DNAH11: variants seen among roughly 807,000 people sequenced by gnomAD.
DNAH11 encodes the protein dynein axonemal heavy chain 11, also known as axonemal beta dynein heavy chain 11.
Under a neutral mutation model 526.0 loss-of-function variants are expected in DNAH11, and 442 were observed. The ratio of observed to expected loss-of-function variants is 0.84; its 90% CI spans 0.78 to 0.91. The LOEUF (loss-of-function observed/expected upper bound fraction) is 0.91, where lower values mean the gene tolerates loss of function less well. Ranked by LOEUF, DNAH11 falls within the 40% of genes least tolerant of loss-of-function variation. The probability of loss-of-function intolerance (pLI) is 0.00; values close to 1 mark genes in which losing one functional copy is unlikely to be tolerated. For synonymous variants in DNAH11, 2,461 were observed against 1,935.9 expected (o/e 1.27, Z -7.12); for missense variants, 6,989 against 5,448.7 (o/e 1.28, Z -8.90).
At chr7:21,860,149 G>T (rs957988984) in intron 68 of DNAH11, among the ~76,000 whole-genome samples, 2 of 152,050 alleles carry the variant, frequency 1.3e-5, no homozygotes, top group Non-Finnish European at 2.9e-5. Context: ...CTCCAGGCTG[G>T]ATGACAGAAT....
At chr7:21,872,135 A>AC (rs1783522377) in intron 73 of DNAH11, among the ~76,000 whole-genome samples, 3 of 137,242 alleles carry the variant, frequency 2.2e-5, no homozygotes, top group African/African-American at 8.6e-5. Context: ...AAAAAAAAAA[A>AC]AAAAAAAAAA....
At chr7:21,616,379 G>C in intron 22 of DNAH11, 87 bp downstream of exon 22, 1 of 1,042,342 alleles carries the variant, frequency 9.6e-7, no homozygotes, top group South Asian at 1.7e-5. Flanking sequence ...CTGGTGTATT[G>C]GGCTGCATGT....
intron 45 of DNAH11, among the ~76,000 whole-genome samples, chr7:21,733,527 G>A (rs746266557): frequency 7.9e-5 from 12 of 151,934 alleles, no homozygotes; most frequent in Non-Finnish European, 1.8e-4. Context: ...GCTGGTTGAA[G>A]GCTGAGAACC....
At chr7:21,677,203 C>CT (rs34054122) in intron 30 of DNAH11, among the ~76,000 whole-genome samples, 3,410 of 124,084 alleles carry the variant, frequency 0.027, 51 homozygotes, top group East Asian at 0.057. Flanking sequence ...CAGATACTGC[C>CT]TTTTTTTTTT....
chr7:21,573,375 C>T (rs1168963431), intron 8 of DNAH11, among the ~76,000 whole-genome samples: 2 of 152,138 alleles, frequency 1.3e-5, no homozygotes, highest in South Asian at 2.1e-4. Flanking sequence ...CCTGAAGTTC[C>T]CTTCATCCTC....
At chr7:21,731,664 G>C (rs1220466354) in intron 45 of DNAH11, among the ~76,000 whole-genome samples, 4 of 152,126 alleles carry the variant, frequency 2.6e-5, no homozygotes, top group African/African-American at 9.7e-5. Context: ...GTTTTGGTTT[G>C]GTCAACATTG....
intron 10 of DNAH11, 87 bp from the exon 11 acceptor site, chr7:21,588,425 A>G (rs1784549456): frequency 2.0e-6 from 3 of 1,527,796 alleles, no homozygotes; most frequent in Non-Finnish European, 8.9e-7. Flanking sequence ...CTGTAAAAAT[A>G]CCAAAATGAA....
intron 70 of DNAH11, 88 bp from the exon 71 acceptor site, chr7:21,866,382 C>T: frequency 8.3e-7 from 1 of 1,200,546 alleles, no homozygotes; most frequent in Admixed American, 2.5e-5. Flanking sequence ...AGTTTTTTTA[C>T]ATAAGATTAG....
intron 44 of DNAH11, among the ~76,000 whole-genome samples, chr7:21,721,931 C>CT (rs1255410994): frequency 6.6e-5 from 10 of 152,062 alleles, no homozygotes; most frequent in South Asian, 4.2e-4. Flanking sequence ...TTTCACTGAT[C>CT]TTTTTTTTAG....
At chr7:21,744,330 T>C in intron 49 of DNAH11, 108 bp from the exon 50 acceptor site, 3 of 1,201,772 alleles carry the variant, frequency 2.5e-6, no homozygotes, top group Non-Finnish European at 3.6e-6. Flanking sequence ...TGATGATATT[T>C]CTTTTAACCA....
At chr7:21,861,765 A>C in intron 68 of DNAH11, 88 bp from the exon 69 acceptor site, 1 of 1,522,582 alleles carries the variant, frequency 6.6e-7, no homozygotes, top group Non-Finnish European at 8.9e-7. Context: ...CCTATAGATA[A>C]ACCTTAAACT....
intron 75 of DNAH11, among the ~76,000 whole-genome samples, chr7:21,881,762 T>G (rs1008419850): frequency 1.1e-4 from 16 of 152,212 alleles, no homozygotes; most frequent in African/African-American, 1.4e-4. Flanking sequence ...ATAACTTTTT[T>G]GGTCAGCTTT....
Position 21,884,514 on chromosome 7 carries a change from G to C in DNAH11, c.12507+104G>C, listed in dbSNP as rs76549028. Reference sequence around the variant, plus strand: ...ACTATGGGCAATTCTTAATGTTATTGAGGATGCTTGGCCTTTTGGGAAATT... The same window carrying C: ...ACTATGGGCAATTCTTAATGTTATTCAGGATGCTTGGCCTTTTGGGAAATT... On this transcript the variant is annotated intron_variant, in intron 76 of 81. Transcript: ENST00000409508. The C allele has an allele frequency of 5.7e-3, 7,016 of 1,231,888 alleles. 320 individuals are homozygous for C. The African/African-American group carries it at 0.094, about 17-fold the overall frequency. 76.3% of individuals were successfully genotyped at this position (1,231,888 alleles called of 1,614,324 possible). A position where few individuals can be genotyped will look rare whatever the true frequency, so the allele number is the denominator to read the frequency against.
At position 21,588,187 on chromosome 7, in the gene DNAH11, G is replaced by T; in HGVS notation, c.1834G>T (p.Glu612Ter). Residue 612 changes from glutamate to a stop codon, truncating the protein, a stop_gained, in exon 10 of 82, where the codon GAA becomes TAA. Transcript: ENST00000409508. LOFTEE classifies it high-confidence loss of function. Reference protein sequence around the residue: ...ELDVCKQLYNEHMKQIECGHV... With the variant: ...ELDVCKQLYN Reference sequence around the variant, plus strand: ...GGATGTGTGTAAGCAACTGTATAATGAACACATGAAACAGGTAAGTGGTGG... The same window carrying T: ...GGATGTGTGTAAGCAACTGTATAATTAACACATGAAACAGGTAAGTGGTGG... 6.2e-7 allele frequency: 1 copy of T among 1,612,008 alleles called. No individual in the cohort carries two copies. Among genetic ancestry groups the T allele is most frequent in the South Asian group, 1.1e-5 (1 of 90,574 alleles).
At chr7:21,610,676 G>A (rs187185120) in intron 20 of DNAH11, among the ~76,000 whole-genome samples, 3 of 152,032 alleles carry the variant, frequency 2.0e-5, no homozygotes, top group Admixed American at 2.0e-4. Context: ...TTGAAAAAGG[G>A]CCAGATACTT....
intron 9 of DNAH11, among the ~76,000 whole-genome samples, chr7:21,585,447 G>A (rs1784450590): frequency 6.6e-6 from 1 of 152,142 alleles, no homozygotes; most frequent in South Asian, 2.1e-4. Context: ...TTTATAGATG[G>A]TTCTCTGAAG....
intron 27 of DNAH11, among the ~76,000 whole-genome samples, chr7:21,638,346 C>T (rs1786963168): frequency 6.6e-6 from 1 of 151,886 alleles, no homozygotes; most frequent in Non-Finnish European, 1.5e-5. Flanking sequence ...TTTTTGGTAA[C>T]GAAAAGGGCG....
At chr7:21,880,493 G>C (rs1184830115) in intron 74 of DNAH11, among the ~76,000 whole-genome samples, 1 of 152,224 alleles carries the variant, frequency 6.6e-6, no homozygotes, top group Non-Finnish European at 1.5e-5. Flanking sequence ...CATGACTGAA[G>C]CAAAATAAAA....
intron 24 of DNAH11, 35 bp from the exon 25 acceptor site, chr7:21,619,921 A>AT: frequency 2.0e-6 from 3 of 1,531,606 alleles, no homozygotes. Flanking sequence ...TATCAATTAA[A>AT]TTTTGTGCAC....
Sources: allele counts gnomAD v4.1 joint callset (sites outside exome capture counted in the v4.1 genomes callset), GRCh38; gene constraint gnomAD v4.1.1; transcripts MANE v1.5; gene names NCBI Gene and HGNC (gene_info 2026-07-23, HGNC 2026-07-21).